CDC5L: variants seen among roughly 807,000 people sequenced by gnomAD.
The protein encoded by CDC5L is cell division cycle 5 like, also known as cell division cycle 5-like protein.
Under a neutral mutation model 104.1 loss-of-function variants are expected in CDC5L, and 18 were observed. That is an observed-to-expected ratio of 0.17 (90% confidence interval 0.12 to 0.26). CDC5L has a LOEUF of 0.26. Ranked by LOEUF, CDC5L falls within the 10% of genes least tolerant of loss-of-function variation. The pLI, the probability that CDC5L is intolerant of heterozygous loss-of-function variation, is 1.00. For missense variants in CDC5L, 673 were observed against 956.9 expected (o/e 0.70, Z 3.91); for synonymous variants, 331 against 322.7 (o/e 1.03, Z -0.28).
intron 9 of CDC5L, 129 bp downstream of exon 9, chr6:44,419,726 T>C: frequency 1.4e-6 from 1 of 702,760 alleles, no homozygotes; most frequent in South Asian, 1.8e-5. Context: ...TTCTTCTTCA[T>C]AGTAATAAAT....
chr6:44,406,492 C>A (rs760526502), intron 7 of CDC5L, 25 bp downstream of exon 7: 3 of 1,589,698 alleles, frequency 1.9e-6, no homozygotes, highest in South Asian at 2.3e-5. Flanking sequence ...GCAAATTTTT[C>A]ACTATGTGAA....
chr6:44,388,116 A>G (rs1445410768), intron 1 of CDC5L, among the ~76,000 whole-genome samples: 1 of 145,882 alleles, frequency 6.9e-6, no homozygotes, highest in African/African-American at 2.6e-5. Context: ...CTGAGTGAAC[A>G]TTTGTTGACT....
At chr6:44,442,492 T>G (rs1029779153) in intron 14 of CDC5L, among the ~76,000 whole-genome samples, 2 of 151,820 alleles carry the variant, frequency 1.3e-5, no homozygotes, top group African/African-American at 4.8e-5. Context: ...TGCTTTGTGG[T>G]TAACTTGAGG....
chr6:44,388,156 C>G (rs12208441), intron 1 of CDC5L, among the ~76,000 whole-genome samples: 1 of 18,818 alleles, frequency 5.3e-5, no homozygotes, highest in Middle Eastern at 0.025. Flanking sequence ...CCCGCCCCCC[C>G]GCCCCCCCCG....
chr6:44,418,845 G>A (rs201844205), intron 8 of CDC5L, among the ~76,000 whole-genome samples: 6 of 136,418 alleles, frequency 4.4e-5, no homozygotes, highest in African/African-American at 8.3e-5. Context: ...GTGGTTGTTT[G>A]TTTTTTTTTT....
intron 9 of CDC5L, among the ~76,000 whole-genome samples, chr6:44,421,058 C>T (rs1173837734): frequency 1.3e-5 from 2 of 152,168 alleles, no homozygotes; most frequent in East Asian, 1.9e-4. Flanking sequence ...TTTGGAGACC[C>T]GGTCTCTCAC....
intron 5 of CDC5L, among the ~76,000 whole-genome samples, chr6:44,398,269 TGTGA>T (rs879537906): frequency 3.9e-5 from 6 of 152,184 alleles, no homozygotes; most frequent in Admixed American, 1.3e-4. Context: ...AGTTAAGTAC[TGTGA>T]GTAAGGTTGA....
intron 14 of CDC5L, among the ~76,000 whole-genome samples, chr6:44,430,627 C>CAGT (rs1792638856): frequency 6.7e-6 from 1 of 148,776 alleles, no homozygotes; most frequent in South Asian, 2.1e-4. Context: ...GGCTGCAGTG[C>CAGT]AGTGGTGCAA....
intron 8 of CDC5L, among the ~76,000 whole-genome samples, chr6:44,414,802 T>G (rs1791836974): frequency 6.6e-6 from 1 of 152,228 alleles, no homozygotes; most frequent in Non-Finnish European, 1.5e-5. Context: ...ATAGTTTAGC[T>G]ATCTTTTTCT....
intron 13 of CDC5L, 132 bp downstream of exon 13, chr6:44,426,856 A>G: frequency 1.2e-6 from 1 of 838,046 alleles, no homozygotes; most frequent in East Asian, 2.5e-5. Context: ...TAGGAGATGC[A>G]TGTTTAGATT....
chr6:44,427,627 C>T (rs984514272), intron 13 of CDC5L, among the ~76,000 whole-genome samples: 1 of 152,220 alleles, frequency 6.6e-6, no homozygotes, highest in Non-Finnish European at 1.5e-5. Context: ...AGGAGGGTTT[C>T]GATTTATATT....
rs11571921 is a variant in CDC5L at position 44,394,445 on chromosome 6, G to A, written c.439+872G>A. Among the ~76,000 whole-genome samples, 751 of 152,278 alleles carry A rather than the reference G, an allele frequency of 4.9e-3. 4 individuals carry two copies. The highest frequency in any genetic ancestry group is 0.01 in the Middle Eastern group (3 of 294). ...CAAGTTATTTATTCTGTGTGAGAAG[G>A]CAACCTGTGAGACGGTGATGGAGAC... On this transcript the variant is annotated intron_variant, in intron 4 of 15. Transcript: ENST00000371477.
chr6:44,392,879 A>T, intron 3 of CDC5L, 51 bp downstream of exon 3: 1 of 1,497,534 alleles, frequency 6.7e-7, no homozygotes, highest in Non-Finnish European at 9.2e-7. Context: ...GTTCTGAAAG[A>T]GGCTGAATAA....
chr6:44,408,723 C>G, intron 8 of CDC5L, 91 bp downstream of exon 8: 1 of 932,804 alleles, frequency 1.1e-6, no homozygotes, highest in Non-Finnish European at 1.5e-6. Context: ...GGTTGTGTTT[C>G]TTTTAGTGTA....
chr6:44,410,578 G>T (rs1791580095), intron 8 of CDC5L, among the ~76,000 whole-genome samples: 1 of 152,146 alleles, frequency 6.6e-6, no homozygotes, highest in Non-Finnish European at 1.5e-5. Context: ...AGATTGCAGT[G>T]GTTTTTGTTC....
At chr6:44,417,155 G>A (rs1321203212) in intron 8 of CDC5L, among the ~76,000 whole-genome samples, 1 of 152,144 alleles carries the variant, frequency 6.6e-6, no homozygotes, top group Admixed American at 6.5e-5. Flanking sequence ...TTAGTAAGGA[G>A]GACTCAGCGG....
chr6:44,443,935 A>G (rs1793330149), intron 14 of CDC5L, among the ~76,000 whole-genome samples: 2 of 152,096 alleles, frequency 1.3e-5, no homozygotes, highest in South Asian at 2.1e-4. Flanking sequence ...ACGTGAGACA[A>G]CTGCCTCTCT....
chr6:44,429,603 C>T, intron 13 of CDC5L, 110 bp from the exon 14 acceptor site: 3 of 867,006 alleles, frequency 3.5e-6, no homozygotes, highest in Non-Finnish European at 3.6e-6. Context: ...CAACCAACCA[C>T]ATCTTGGATT....
chr6:44,394,676 T>G (rs1383759730), intron 4 of CDC5L, among the ~76,000 whole-genome samples: 1 of 129,608 alleles, frequency 7.7e-6, no homozygotes, highest in Admixed American at 7.6e-5. Flanking sequence ...GCCAACATGG[T>G]GAAACCCTGC....
Sources: allele counts gnomAD v4.1 joint callset (sites outside exome capture counted in the v4.1 genomes callset), GRCh38; gene constraint gnomAD v4.1.1; transcripts MANE v1.5; gene names NCBI Gene and HGNC (gene_info 2026-07-23, HGNC 2026-07-21).